The following ARFGAP3 variants were observed in gnomAD, a reference collection of about 807,000 sequenced individuals.
ARFGAP3 encodes ADP-ribosylation factor GTPase-activating protein 3.
A neutral mutation model predicts 75.0 loss-of-function variants in ARFGAP3; 72 were observed. The ratio of observed to expected loss-of-function variants is 0.96; its 90% confidence interval spans 0.79 to 1.17. The LOEUF is 1.17. ARFGAP3 is among the 50% of genes most tolerant of loss of function. The pLI is 0.00. For synonymous variants in ARFGAP3, 221 were observed against 217.9 expected, an observed-to-expected ratio of 1.01 and a Z score of -0.13; for missense variants, 620 against 626.6, an observed-to-expected ratio of 0.99 and a Z score of 0.11.
At chr22:42,855,639 C>T (rs1023745887) in intron 1 of ARFGAP3, among the ~76,000 whole-genome samples, 1 of 151,356 alleles carries the variant, frequency 6.6e-6, no homozygotes, top group Non-Finnish European at 1.5e-5. Context: ...GCTGAGATCG[C>T]ACCACTGCAC....
rs6002957 is a variant in ARFGAP3 at position 42,814,960 on chromosome 22, A to C, written c.1064+2182T>G. ...ACTATATTTCCCAGTCTGGTCCTGA[A>C]TTCCTGGGCTCGAGTGATCCTCCTG... On this transcript the variant is annotated intron_variant, in intron 11 of 15. Transcript: ENST00000263245. Among the ~76,000 whole-genome samples, 1,182 of 152,298 alleles carry C rather than the reference A, an allele frequency of 7.8e-3. 20 individuals carry two copies. Among genetic ancestry groups the C allele is most frequent in the African/African-American group, 0.027 (1,139 of 41,552 alleles).
chr22:42,835,147 CT>C (rs1926462133), intron 4 of ARFGAP3, among the ~76,000 whole-genome samples: 1 of 152,174 alleles, frequency 6.6e-6, no homozygotes, highest in Non-Finnish European at 1.5e-5. Flanking sequence ...GAACCTAATC[CT>C]GTATTTCTCC....
chr22:42,856,792 T>A (rs1250548273), intron 1 of ARFGAP3, among the ~76,000 whole-genome samples: 6 of 150,996 alleles, frequency 4.0e-5, no homozygotes, highest in Non-Finnish European at 8.9e-5. Flanking sequence ...CCCCCGAGGA[T>A]GCCCCCGCCC....
intron 5 of ARFGAP3, among the ~76,000 whole-genome samples, chr22:42,832,691 G>A (rs1926349054): frequency 6.6e-6 from 1 of 152,072 alleles, no homozygotes; most frequent in Non-Finnish European, 1.5e-5. Context: ...TTACCTTAAA[G>A]GGCTAAATAG....
At chr22:42,817,635 T>A (rs1040687587) in intron 10 of ARFGAP3, 94 bp downstream of exon 10, 4 of 932,016 alleles carry the variant, frequency 4.3e-6, no homozygotes, top group East Asian at 2.6e-5. Context: ...CAAAAAAAAA[T>A]CTCTAAAGTT....
At chr22:42,838,563 T>C (rs1194980924) in intron 3 of ARFGAP3, among the ~76,000 whole-genome samples, 1 of 151,786 alleles carries the variant, frequency 6.6e-6, no homozygotes, top group Non-Finnish European at 1.5e-5. Flanking sequence ...TCCCGAAGTG[T>C]TGGGATTCCA....
intron 15 of ARFGAP3, 192 bp from the exon 16 acceptor site, chr22:42,797,797 G>A (rs543404763): frequency 1.0e-6 from 1 of 959,646 alleles, no homozygotes; most frequent in East Asian, 1.2e-4. Context: ...GGTAGGTGTG[G>A]GCTTCAGAAC....
intron 14 of ARFGAP3, 195 bp from the exon 15 acceptor site, chr22:42,799,355 G>A (rs543653328): frequency 6.3e-4 from 323 of 515,648 alleles, no homozygotes; most frequent in Admixed American, 1.1e-3. Flanking sequence ...GAATCCACAC[G>A]ACAGAAAATG....
rs757055653 is a variant in ARFGAP3 at position 42,817,687 on chromosome 22, C to T, written c.941+42G>A. The T allele has an allele frequency of 3.3e-5, 49 of 1,477,446 alleles. No homozygotes were observed. In the South Asian group the frequency reaches 5.8e-4, roughly 18 times the overall value. The allele number at this position is 1,477,446 out of a possible 1,614,324, so 91.5% of individuals were successfully genotyped here. ...AAGAAAAATCCACTGATGATTGACA[C>T]ACTGTTTTAAATTCTAACTCCAAGA... On this transcript the variant is annotated intron_variant, in intron 10 of 15. Coordinates refer to ENST00000263245, the MANE Select transcript of ARFGAP3 (RefSeq NM_014570.5).
rs1924657633 is a variant in ARFGAP3 at position 42,797,571 on chromosome 22, A to C, written c.*17T>G. 4 of 1,614,170 alleles carry C rather than the reference A, an allele frequency of 2.5e-6. No individual in the cohort carries two copies. The highest frequency in any genetic ancestry group is 4.5e-5 in the East Asian group (2 of 44,894). On this transcript the variant is annotated 3_prime_UTR_variant, in exon 16 of 16. Coordinates refer to ENST00000263245, the MANE Select transcript of ARFGAP3 (RefSeq NM_014570.5). ...AAAGAGGAATTTCTCCAGGAAATAC[A>C]CATCATGACTTCAGTATTAAGAACC...
Position 42,826,959 on chromosome 22 carries a change from TACATTAAGACCTTCCAC to T in ARFGAP3, c.589_605del (p.Val197ThrfsTer20). 1.2e-6 allele frequency: 2 copies of T among 1,613,584 alleles called. No homozygotes were observed. The highest frequency in any genetic ancestry group is 1.7e-6 in the Non-Finnish European group (2 of 1,179,842). On this transcript the variant is annotated frameshift_variant, in exon 7 of 16. Coordinates refer to ENST00000263245, the MANE Select transcript of ARFGAP3 (RefSeq NM_014570.5). LOFTEE classifies it high-confidence loss of function. Reference sequence around the variant, plus strand: ...TATTACCTAAAGTAGCCTTTGTTGGTACATTAAGACCTTCCACACTTGGTCCTTGCTCTTGTCCACCT... The same window carrying T: ...TATTACCTAAAGTAGCCTTTGTTGGTACTTGGTCCTTGCTCTTGTCCACCT...
chr22:42,833,636 G>A (rs1240492272), intron 5 of ARFGAP3, among the ~76,000 whole-genome samples: 1 of 152,130 alleles, frequency 6.6e-6, no homozygotes, highest in African/African-American at 2.4e-5. Context: ...TGCACCTGTT[G>A]TCCCAGCTAC....
At chr22:42,805,498 G>T (rs909326416) in intron 14 of ARFGAP3, among the ~76,000 whole-genome samples, 4 of 152,168 alleles carry the variant, frequency 2.6e-5, no homozygotes, top group African/African-American at 9.7e-5. Flanking sequence ...CTCCAAAGGT[G>T]GCCGGAGTGC....
At chr22:42,798,008 A>G (rs1160707241) in intron 15 of ARFGAP3, among the ~76,000 whole-genome samples, 1 of 152,236 alleles carries the variant, frequency 6.6e-6, no homozygotes, top group African/African-American at 2.4e-5. Context: ...GTCATCTTGC[A>G]GAAGTGACCT....
intron 14 of ARFGAP3, among the ~76,000 whole-genome samples, chr22:42,806,498 C>T (rs1439253853): frequency 6.6e-6 from 1 of 152,232 alleles, no homozygotes; most frequent in African/African-American, 2.4e-5. Context: ...CCTGCTCACT[C>T]CCAAAGCTGT....
At chr22:42,812,147 C>A (rs1925391877) in intron 11 of ARFGAP3, among the ~76,000 whole-genome samples, 1 of 146,598 alleles carries the variant, frequency 6.8e-6, no homozygotes, top group South Asian at 2.2e-4. Context: ...CTCACCTAAG[C>A]CTGGGAGGCC....
At chr22:42,801,894 G>A (rs1924878451) in intron 14 of ARFGAP3, among the ~76,000 whole-genome samples, 2 of 152,152 alleles carry the variant, frequency 1.3e-5, no homozygotes, top group South Asian at 2.1e-4. Context: ...CGGGTTGCGG[G>A]GCTGTCTGGG....
chr22:42,831,222 G>A (rs1436931128), intron 6 of ARFGAP3, among the ~76,000 whole-genome samples: 1 of 148,442 alleles, frequency 6.7e-6, no homozygotes, highest in Non-Finnish European at 1.5e-5. Flanking sequence ...AGGAGGCGGA[G>A]GTTGCAGTGA....
Position 42,835,493 on chromosome 22 carries a change from A to C in ARFGAP3, c.262T>G (p.Ser88Ala). 3 of 1,613,734 alleles carry C rather than the reference A, an allele frequency of 1.9e-6. No individual in the cohort carries two copies. Among genetic ancestry groups the C allele is most frequent in the Non-Finnish European group, 2.5e-6 (3 of 1,179,730 alleles). ...CMQVGGNASA[S>A]SFFHQHGCST... ...CACCCATGTTGATGAAAAAAGGAAG[A>C]CTACAGAGAAAAGCATGCACATTAA... Residue 88 changes from serine to alanine, a missense_variant and splice_region_variant, in exon 4 of 16, where the codon TCT becomes GCT. Physicochemically the swap from Ser to Ala is moderately conservative, Grantham distance 99. Coordinates refer to ENST00000263245, the MANE Select transcript of ARFGAP3 (RefSeq NM_014570.5).
Sources: allele counts gnomAD v4.1 joint callset (sites outside exome capture counted in the v4.1 genomes callset), GRCh38; gene constraint gnomAD v4.1.1; transcripts MANE v1.5; gene names NCBI Gene and HGNC (gene_info 2026-07-23, HGNC 2026-07-21).